Variants in TENM1 observed in about 807,000 individuals in gnomAD.
TENM1 encodes teneurin-1.
TENM1 carries 35 observed loss-of-function variants against 174.8 expected under a neutral mutation model. The observed-to-expected ratio is 0.20, with a 90% confidence interval of 0.15 to 0.27. TENM1 has a LOEUF of 0.27. Among genes scored for constraint, TENM1 ranks in the 10% least tolerant of loss-of-function variants. TENM1 has a pLI of 1.00. For missense variants in TENM1, 1,633 were observed against 2,130.1 expected, an observed-to-expected ratio of 0.77 and a Z score of 4.59; for synonymous variants, 781 against 798.7, an observed-to-expected ratio of 0.98 and a Z score of 0.37.
At chrX:124,676,882 A>T (rs2052101583) in intron 5 of TENM1, among the ~76,000 whole-genome samples, 1 of 108,426 alleles carries the variant, frequency 9.2e-6, no homozygotes. Flanking sequence ...AAAAAAAAAA[A>T]ATCCCACAGG....
At chrX:125,158,884 G>T in the TENM1 span, among the ~76,000 whole-genome samples, 1 of 110,574 alleles carries the variant, frequency 9.0e-6, no homozygotes, top group Non-Finnish European at 1.9e-5. Flanking sequence ...ACATAATATT[G>T]ACAATGAAGA....
the TENM1 span, among the ~76,000 whole-genome samples, chrX:125,017,324 G>A: frequency 2.7e-5 from 3 of 111,801 alleles, no homozygotes; most frequent in Non-Finnish European, 5.6e-5. Flanking sequence ...ATCTGACAAA[G>A]GGCTAATATG....
chrX:124,408,166 C>G (rs1009037923), intron 25 of TENM1, among the ~76,000 whole-genome samples: 4 of 111,196 alleles, frequency 3.6e-5, no homozygotes, highest in African/African-American at 1.3e-4. Context: ...TTTTTTGAGA[C>G]AGTCTTGCTC....
intron 4 of TENM1, among the ~76,000 whole-genome samples, chrX:124,727,309 T>C (rs2053463511): frequency 8.9e-6 from 1 of 112,203 alleles, no homozygotes; most frequent in East Asian, 2.8e-4. Context: ...ATGATTACTA[T>C]CCATTATCAT....
intron 3 of TENM1, among the ~76,000 whole-genome samples, chrX:124,849,204 T>C (rs774173027): frequency 5.7e-4 from 63 of 111,378 alleles, no homozygotes; most frequent in African/African-American, 2.0e-3. Context: ...TTGTCTATTA[T>C]TTCTTTGAGT....
At chrX:124,407,249 T>A (rs1209146223) in intron 25 of TENM1, among the ~76,000 whole-genome samples, 1 of 108,882 alleles carries the variant, frequency 9.2e-6, no homozygotes, top group Non-Finnish European at 1.9e-5. Context: ...TCAGAATTAT[T>A]GGCAATCTCA....
intron 15 of TENM1, among the ~76,000 whole-genome samples, chrX:124,546,071 G>A (rs1161685090): frequency 9.0e-6 from 1 of 111,275 alleles, no homozygotes; most frequent in Non-Finnish European, 1.9e-5. Context: ...GTTATTCTTG[G>A]GGAATGATAA....
At chrX:124,641,704 G>A in intron 11 of TENM1, 87 bp downstream of exon 14, 1 of 906,690 alleles carries the variant, frequency 1.1e-6, no homozygotes, top group East Asian at 3.1e-5. Context: ...AAGGTGTACA[G>A]ATCATATTTT....
At chrX:124,906,593 CAT>C (rs781781105) in intron 1 of TENM1, among the ~76,000 whole-genome samples, 67 of 111,697 alleles carry the variant, frequency 6.0e-4, no homozygotes, top group Non-Finnish European at 6.4e-4. Flanking sequence ...AATAAAATCA[CAT>C]GTCCTTACAA....
intron 1 of TENM1, among the ~76,000 whole-genome samples, chrX:124,935,282 T>A (rs988179976): frequency 1.8e-5 from 2 of 109,327 alleles, no homozygotes; most frequent in Non-Finnish European, 3.8e-5. Context: ...CATAAAATAT[T>A]CTGTGGCCAG....
At chrX:125,142,924 T>A in the TENM1 span, among the ~76,000 whole-genome samples, 13 of 111,721 alleles carry the variant, frequency 1.2e-4, no homozygotes, top group African/African-American at 3.9e-4. Flanking sequence ...CTGTTCATAA[T>A]CAGTAATACT....
chrX:124,852,121 T>C (rs1268755897), intron 3 of TENM1, among the ~76,000 whole-genome samples: 1 of 110,741 alleles, frequency 9.0e-6, no homozygotes, highest in Non-Finnish European at 1.9e-5. Flanking sequence ...TGGAGAAAAA[T>C]GAATAAAGTT....
intron 19 of TENM1, 41 bp from the exon 23 acceptor site, chrX:124,497,306 A>G: frequency 8.7e-7 from 1 of 1,153,080 alleles, no homozygotes. Flanking sequence ...AAGAAAAGCA[A>G]TTACCACAAA....
intron 14 of TENM1, among the ~76,000 whole-genome samples, chrX:124,558,622 GA>G (rs2048744973): frequency 9.0e-6 from 1 of 111,217 alleles, no homozygotes; most frequent in African/African-American, 3.3e-5. Flanking sequence ...ACTACCAAAT[GA>G]AGGGCATTTA....
At chrX:125,024,369 C>A in the TENM1 span, among the ~76,000 whole-genome samples, 1 of 100,102 alleles carries the variant, frequency 1.0e-5, no homozygotes, top group African/African-American at 4.4e-5. Context: ...TACATATGCA[C>A]ACACACACAC....
At chrX:124,693,844 T>G (rs899508439) in intron 5 of TENM1, among the ~76,000 whole-genome samples, 1 of 111,171 alleles carries the variant, frequency 9.0e-6, no homozygotes, top group East Asian at 2.8e-4. Context: ...CCCTTTTATG[T>G]TCATTCTGAA....
Position 124,854,734 on chromosome X carries a change from C to T in TENM1, c.535+39562G>A, listed in dbSNP as rs1043473585. ...GGAAAGAAATTTCAAAATCTTAAGA[C>T]ATAACTTCAAGTAAACACAATACTC... On this transcript the variant is annotated intron_variant, in intron 3 of 31. Transcript: ENST00000422452. Among the ~76,000 whole-genome samples, 8 of 111,332 alleles carry T rather than the reference C, an allele frequency of 7.2e-5. No homozygotes were observed. In the Admixed American group the frequency reaches 7.6e-4, roughly 11 times the overall value.
the TENM1 span, among the ~76,000 whole-genome samples, chrX:125,138,239 G>A: frequency 1.0e-5 from 1 of 98,263 alleles, no homozygotes; most frequent in Non-Finnish European, 2.0e-5. Flanking sequence ...AGACAGCACG[G>A]GCTCAAAAGA....
exon 32 of TENM1, chrX:124,380,639 C>T: frequency 8.3e-7 from 1 of 1,211,464 alleles, no homozygotes; most frequent in Non-Finnish European, 1.1e-6. Flanking sequence ...CCCATCGTAA[C>T]CTTGTACCCG....
Sources: allele counts gnomAD v4.1 joint callset (sites outside exome capture counted in the v4.1 genomes callset), GRCh38; gene constraint gnomAD v4.1.1; transcripts MANE v1.5; gene names NCBI Gene and HGNC (gene_info 2026-07-23, HGNC 2026-07-21).